FADS3: variants seen among roughly 807,000 people sequenced by gnomAD.
FADS3 encodes the protein fatty acid desaturase 3, also known as cytochrome b5-related protein.
In FADS3, 30 loss-of-function variants were observed where a neutral mutation model predicts 60.4. That is an observed-to-expected ratio of 0.50 (90% CI 0.37 to 0.67). The LOEUF (loss-of-function observed/expected upper bound fraction) is 0.67, where lower values mean the gene tolerates loss of function less well. FADS3 is among the 30% of genes least tolerant of loss of function. The pLI, the probability that FADS3 is intolerant of heterozygous loss-of-function variation, is 0.00. For missense variants in FADS3, 432 were observed against 598.3 expected (o/e 0.72, Z 2.90); for synonymous variants, 234 against 249.3 (o/e 0.94, Z 0.58).
At position 61,884,746 on chromosome 11, in the gene FADS3, C is replaced by T. The variant is rs984575871; in HGVS notation, c.214-4595G>A. Among the ~76,000 whole-genome samples the T allele has an allele frequency of 9.9e-5, 15 of 152,188 alleles. 1 individual carries two copies. The highest frequency in any genetic ancestry group is 1.9e-4 in the Non-Finnish European group (13 of 68,026). ...CCACCCAGGGGTACGTGCACAAAGCCCTGTCCCCCCAACCCCCACACGCAC... is the reference window on the plus strand; with the variant it reads ...CCACCCAGGGGTACGTGCACAAAGCTCTGTCCCCCCAACCCCCACACGCAC... On this transcript the variant is annotated intron_variant, in intron 1 of 11. Coordinates refer to ENST00000278829, the MANE Select transcript of FADS3 (RefSeq NM_021727.5).
intron 1 of FADS3, among the ~76,000 whole-genome samples, chr11:61,884,435 C>T (rs988410773): frequency 6.6e-6 from 1 of 152,170 alleles, no homozygotes; most frequent in East Asian, 1.9e-4. Context: ...ATGTAACAAA[C>T]CTGCACATTC....
At chr11:61,875,430 A>G (rs1207274148) in intron 11 of FADS3, among the ~76,000 whole-genome samples, 4 of 132,092 alleles carry the variant, frequency 3.0e-5, no homozygotes, top group Admixed American at 8.3e-5. Flanking sequence ...ACGGGGTTTC[A>G]CCATGTTGGC....
At position 61,877,592 on chromosome 11, in the gene FADS3, A is replaced by T; in HGVS notation, c.809-5T>A. Reference sequence around the variant, plus strand: ...GGGTGAGCAGCGGCGGGCCGACTGCAAGAAGGGGCATGAGAGTGTTCAGGA... The same window carrying T: ...GGGTGAGCAGCGGCGGGCCGACTGCTAGAAGGGGCATGAGAGTGTTCAGGA... On this transcript the variant is annotated splice_polypyrimidine_tract_variant and splice_region_variant and intron_variant, in intron 6 of 11. Transcript: ENST00000278829. The surrounding 1 kb of genome is among the most constrained non-coding windows in gnomAD (Gnocchi z 4.7). 1 of 1,613,294 alleles carries T rather than the reference A, an allele frequency of 6.2e-7. No individual in the cohort carries two copies. Among genetic ancestry groups the T allele is most frequent in the Non-Finnish European group, 8.5e-7 (1 of 1,179,894 alleles).
In FADS3 at chr11:61,878,150, C is replaced by A. The variant is rs749566845; in HGVS notation, c.808+5G>T. 6.2e-7 allele frequency: 1 copy of A among 1,613,728 alleles called. No homozygotes were observed. On this transcript the variant is annotated splice_donor_5th_base_variant and intron_variant, in intron 6 of 11. Transcript: ENST00000278829. ...CCCACCCCAGAAGGACAGATGGACA[C>A]TCACTCAGGAAGAAGTACAGGTGCT...
Position 61,876,452 on chromosome 11 carries a change from G to A in FADS3, c.987C>T (p.Val329=), listed in dbSNP as rs941062879. The change falls in exon 9 of 12, where the codon GTC becomes GTT. Residue 329 remains valine, a synonymous_variant. Coordinates refer to ENST00000278829, the MANE Select transcript of FADS3 (RefSeq NM_021727.5). This position sits in a 1 kb window ranked among gnomAD's most constrained non-coding sequence, Gnocchi z 5.7. The stretch of plus-strand genomic sequence containing the variant: ...TCCACACGAACCAGTGGCTTTCCAG[G>A]ACCCTGTGGGGAGGCTCGGGCACTG... ...GVLLFFVAVR[V]LESHWFVWIT... is the part of the protein sequence containing the mutation. 6.2e-7 allele frequency: 1 copy of A among 1,613,374 alleles called. No homozygotes were observed. The highest frequency in any genetic ancestry group is 8.5e-7 in the Non-Finnish European group (1 of 1,179,976).
At chr11:61,890,517 ACAGTACC>A (rs1192256616) in intron 1 of FADS3, 8 of 152,308 alleles carry the variant, frequency 5.3e-5, no homozygotes, top group Non-Finnish European at 7.3e-5. Flanking sequence ...CTCCAGCCAG[ACAGTACC>A]CTGGGGCCAG....
chr11:61,878,810 G>T lies in FADS3; in HGVS notation c.560C>A (p.Ala187Asp). ...CCACCAGGACTTCTTGAAGATGGAG[G>T]CATGGCCCAGGTCATGCTGCAGACA... ...SWCLQHDLGH[A>D]SIFKKSWWNH... is the part of the protein sequence containing the mutation. Residue 187 changes from alanine to aspartate, a missense_variant, in exon 4 of 12, where the codon GCC becomes GAC. Ala to Asp is a moderately radical substitution (Grantham distance 126, BLOSUM62 -2). Transcript: ENST00000278829. 6.2e-7 allele frequency: 1 copy of T among 1,614,196 alleles called. No homozygotes were observed. Among genetic ancestry groups the T allele is most frequent in the African/African-American group, 1.3e-5 (1 of 75,072 alleles).
intron 6 of FADS3, 113 bp downstream of exon 6, chr11:61,878,042 G>T: frequency 1.1e-6 from 1 of 886,312 alleles, no homozygotes. Context: ...TGACCAGGGA[G>T]ACCTGACAGA....
intron 11 of FADS3, 96 bp downstream of exon 11, chr11:61,875,755 G>A: frequency 6.8e-7 from 1 of 1,471,386 alleles, no homozygotes; most frequent in Non-Finnish European, 9.2e-7. Flanking sequence ...GAAAGGCTCA[G>A]GGACCCTGGG....
intron 11 of FADS3, among the ~76,000 whole-genome samples, chr11:61,875,620 G>C (rs1190370581): frequency 6.6e-6 from 1 of 152,174 alleles, no homozygotes; most frequent in Non-Finnish European, 1.5e-5. Flanking sequence ...CAGCCTTTGG[G>C]GGTAGGTTTG....
chr11:61,887,313 C>T (rs1197852229), intron 1 of FADS3, among the ~76,000 whole-genome samples: 2 of 152,202 alleles, frequency 1.3e-5, no homozygotes, highest in African/African-American at 2.4e-5. Context: ...GCTCTCTGCC[C>T]TGGCCACACT....
chr11:61,875,820 C>G, intron 11 of FADS3, 31 bp downstream of exon 11: 1 of 1,605,534 alleles, frequency 6.2e-7, no homozygotes. Flanking sequence ...GGGGAAGCCA[C>G]CAGAACAGAG....
rs1937957818 is a variant in FADS3, at chr11:61,877,648, CCA to C, written c.809-63_809-62del. 1 of 1,486,892 alleles carries C rather than the reference CCA, an allele frequency of 6.7e-7. No individual in the cohort carries two copies. The highest frequency in any genetic ancestry group is 9.3e-7 in the Non-Finnish European group (1 of 1,076,540). The allele number at this position is 1,486,892 out of a possible 1,614,324, so 92.1% of individuals were successfully genotyped here. A position where few individuals can be genotyped will look rare whatever the true frequency, so the allele number is the denominator to read the frequency against. ...GCTGGGCTGCCAAGGTGAGTGGGCG[CCA>C]GAGTGAGGGGCTCTGTTACTCCAGG... On this transcript the variant is annotated intron_variant, in intron 6 of 11. Transcript: ENST00000278829. The surrounding 1 kb of genome is among the most constrained non-coding windows in gnomAD (Gnocchi z 4.7).
At chr11:61,889,927 G>A (rs1033845894) in intron 1 of FADS3, among the ~76,000 whole-genome samples, 2 of 152,190 alleles carry the variant, frequency 1.3e-5, no homozygotes, top group African/African-American at 4.8e-5. Context: ...CCAGGGCTCA[G>A]CAAGGCCTTT....
chr11:61,873,884 A>C lies in FADS3; in HGVS notation c.1287-19T>G. On this transcript the variant is annotated intron_variant, in intron 11 of 11. Transcript: ENST00000278829. ...CAGGGACCTGGGAGGTGGGGGTGGC[A>C]GTGGGGGTGGGTGTTAGGAGCTCAG... is the stretch of plus-strand genomic sequence containing the variant. The C allele has an allele frequency of 1.2e-6, 1 of 829,818 alleles. No individual in the cohort carries two copies. The highest frequency in any genetic ancestry group is 1.9e-6 in the Non-Finnish European group (1 of 527,148). 51.4% of individuals were successfully genotyped at this position (829,818 alleles called of 1,614,324 possible).
chr11:61,889,089 G>T (rs1938408318), intron 1 of FADS3, among the ~76,000 whole-genome samples: 1 of 151,944 alleles, frequency 6.6e-6, no homozygotes, highest in Middle Eastern at 3.4e-3. Context: ...AAGAGACAGG[G>T]TTTCTCCATG....
chr11:61,877,993 GGA>G lies in FADS3; in HGVS notation c.808+160_808+161del. On this transcript the variant is annotated intron_variant, in intron 6 of 11. Coordinates refer to ENST00000278829, the MANE Select transcript of FADS3 (RefSeq NM_021727.5). The surrounding 1 kb of genome is among the most constrained non-coding windows in gnomAD (Gnocchi z 4.7). ...CAGCTGGGGCAAAGGCATGCTGCTG[GGA>G]GAGTGTGTACAGACTGCAGAGGCTG... 7.3e-6 allele frequency: 5 copies of G among 685,988 alleles called. No homozygotes were observed. The highest frequency in any genetic ancestry group is 5.1e-5 in the South Asian group (3 of 58,390). 42.5% of individuals were successfully genotyped at this position (685,988 alleles called of 1,614,324 possible). A position where few individuals can be genotyped will look rare whatever the true frequency, so the allele number is the denominator to read the frequency against.
chr11:61,879,253 G>A (rs971765922), intron 3 of FADS3, 59 bp downstream of exon 3: 20 of 1,436,218 alleles, frequency 1.4e-5, no homozygotes, highest in Non-Finnish European at 1.9e-5. Context: ...ATGCCCAGAT[G>A]CATGGGGGCC....
At chr11:61,888,160 C>G (rs1938376608) in intron 1 of FADS3, among the ~76,000 whole-genome samples, 1 of 152,252 alleles carries the variant, frequency 6.6e-6, no homozygotes, top group South Asian at 2.1e-4. Context: ...GTACTCTCCC[C>G]AGGGCACCCG....
Sources: gnomAD v4.1 joint callset for allele counts (sites outside exome capture counted in the v4.1 genomes callset) on GRCh38, gnomAD v4.1.1 for gene constraint, Gnocchi (gnomAD v3.1) non-coding constraint, MANE v1.5 for transcripts, NCBI Gene and HGNC (gene_info 2026-07-23, HGNC 2026-07-21) for gene names.